TIAM1: variants seen among roughly 807,000 people sequenced by gnomAD.
TIAM1 encodes TIAM Rac1 associated GEF 1, also known as rho guanine nucleotide exchange factor TIAM1.
Under a neutral mutation model 163.5 loss-of-function variants are expected in TIAM1, and 65 were observed. The ratio of observed to expected loss-of-function variants is 0.40; its 90% confidence interval spans 0.33 to 0.49. TIAM1 has a LOEUF of 0.49. Ranked by LOEUF, TIAM1 falls within the 20% of genes least tolerant of loss-of-function variation. The pLI is 0.77. For missense variants in TIAM1, 1,789 were observed against 2,044.7 expected, an observed-to-expected ratio of 0.87 and a Z score of 2.41; for synonymous variants, 833 against 810.1, an observed-to-expected ratio of 1.03 and a Z score of -0.48.
intron 2 of TIAM1, among the ~76,000 whole-genome samples, chr21:31,349,342 A>G (rs1200982709): frequency 6.6e-6 from 1 of 152,206 alleles, no homozygotes; most frequent in Non-Finnish European, 1.5e-5. Context: ...GATAAAGATA[A>G]CAAAGAAGGC....
At position 31,386,371 on chromosome 21, in the gene TIAM1, G is replaced by C. The variant is rs35800125; in HGVS notation, c.-368-46949C>G. 7.9e-3 allele frequency among the ~76,000 whole-genome samples: 1,199 copies of C among 152,236 alleles called. 10 individuals are homozygous for C. Among genetic ancestry groups the C allele is most frequent in the Non-Finnish European group, 9.6e-3 (653 of 68,016 alleles). ...TTCTGGGGGTCCCCTGGCATGCCCA[G>C]AGCTTCTGAGGATGCACTTGGGAAA... On this transcript the variant is annotated intron_variant, in intron 2 of 28. Transcript: ENST00000286827.
Position 31,302,707 on chromosome 21 carries a change from G to A in TIAM1, c.-188-25799C>T, listed in dbSNP as rs182023724. 3.3e-5 allele frequency among the ~76,000 whole-genome samples: 5 copies of A among 152,292 alleles called. No individual in the cohort carries two copies. In the East Asian group the frequency reaches 7.7e-4, roughly 24 times the overall value. On this transcript the variant is annotated intron_variant, in intron 2 of 27. Transcript: ENST00000541036. The stretch of plus-strand genomic sequence containing the variant: ...TCTTTTCAAGGAGACTACACTGCTT[G>A]CACTGCTTTCTGTAGAAAAAGATGA...
intron 2 of TIAM1, among the ~76,000 whole-genome samples, chr21:31,421,667 G>C (rs925692565): frequency 3.3e-5 from 5 of 152,180 alleles, no homozygotes; most frequent in Non-Finnish European, 1.5e-5. Flanking sequence ...GTGATAAAAA[G>C]CTTGGGGAAC....
intron 6 of TIAM1, among the ~76,000 whole-genome samples, chr21:31,231,360 T>C (rs931905219): frequency 1.3e-5 from 2 of 152,142 alleles, no homozygotes; most frequent in African/African-American, 4.8e-5. Context: ...ACGGAGTCTG[T>C]GTAGTGCACT....
intron 13 of TIAM1, among the ~76,000 whole-genome samples, chr21:31,187,451 T>G (rs984900012): frequency 1.3e-5 from 2 of 152,200 alleles, no homozygotes; most frequent in African/African-American, 4.8e-5. Context: ...CAGACGTTTT[T>G]CATCAAATCT....
At chr21:31,297,781 T>A (rs563528584) in intron 2 of TIAM1, among the ~76,000 whole-genome samples, 35 of 152,122 alleles carry the variant, frequency 2.3e-4, no homozygotes, top group Non-Finnish European at 4.7e-4. Context: ...CCCAAAAATA[T>A]GATATAATGC....
At chr21:31,132,595 G>A (rs2082455113) in intron 23 of TIAM1, among the ~76,000 whole-genome samples, 1 of 152,102 alleles carries the variant, frequency 6.6e-6, no homozygotes, top group South Asian at 2.1e-4. Flanking sequence ...CATGCCACTG[G>A]GACCACAGCT....
At chr21:31,406,035 A>C (rs1315757833) in intron 2 of TIAM1, among the ~76,000 whole-genome samples, 1 of 152,154 alleles carries the variant, frequency 6.6e-6, no homozygotes, top group Non-Finnish European at 1.5e-5. Context: ...ACTCAAAGAG[A>C]TTGCCGTCAT....
intron 1 of TIAM1, among the ~76,000 whole-genome samples, chr21:31,468,199 C>A (rs139730885): frequency 6.6e-6 from 1 of 151,882 alleles, no homozygotes; most frequent in East Asian, 1.9e-4. Flanking sequence ...GGGTTGGTCA[C>A]ACACAGTGGC....
chr21:31,412,009 A>G (rs534403394), intron 2 of TIAM1, among the ~76,000 whole-genome samples: 1 of 152,338 alleles, frequency 6.6e-6, no homozygotes, highest in East Asian at 1.9e-4. Flanking sequence ...CAGGATTCAC[A>G]GTAGCAACGA....
chr21:31,131,385 T>C (rs2082408335), intron 23 of TIAM1, among the ~76,000 whole-genome samples: 1 of 152,240 alleles, frequency 6.6e-6, no homozygotes, highest in Non-Finnish European at 1.5e-5. Context: ...TAGACAGTGA[T>C]AATTTAGGAA....
intron 2 of TIAM1, among the ~76,000 whole-genome samples, chr21:31,299,500 G>A (rs1383577780): frequency 6.6e-6 from 1 of 152,218 alleles, no homozygotes; most frequent in Non-Finnish European, 1.5e-5. Context: ...GTTTGAACTT[G>A]ACACAATGGG....
At chr21:31,391,267 C>T (rs1310078965) in intron 2 of TIAM1, among the ~76,000 whole-genome samples, 1 of 152,140 alleles carries the variant, frequency 6.6e-6, no homozygotes, top group Non-Finnish European at 1.5e-5. Context: ...CCCTACCTTA[C>T]GTTCCCACAT....
chr21:31,520,103 C>A (rs184183709), intron 1 of TIAM1, among the ~76,000 whole-genome samples: 10 of 152,168 alleles, frequency 6.6e-5, no homozygotes, highest in African/African-American at 2.4e-4. Flanking sequence ...GGCTGAGGCA[C>A]GCGGAGCACC....
At chr21:31,170,616 G>C (rs1218637188) in intron 15 of TIAM1, among the ~76,000 whole-genome samples, 4 of 152,128 alleles carry the variant, frequency 2.6e-5, no homozygotes, top group African/African-American at 9.7e-5. Context: ...TGCACAACAG[G>C]CTAACAGAAC....
Position 31,120,536 on chromosome 21 carries a change from C to T in TIAM1, c.4608G>A (p.Arg1536=). Residue 1536 remains arginine (R), a synonymous_variant, in exon 28 of 28, where the codon CGG becomes CGA. Transcript: ENST00000541036. The surrounding 1 kb of genome is among the most constrained non-coding windows in gnomAD (Gnocchi z 4.2). ...TATCCAGGGTTTTCCGGCCTCTTTC[C>T]CGCTGACTGATGGAGGTGGCCTGAA... is the stretch of plus-strand genomic sequence containing the variant. ...ERLQATSISQ[R]ERGRKTLDSH... 1 of 1,614,232 alleles carries T rather than the reference C, an allele frequency of 6.2e-7. No individual in the cohort carries two copies. The highest frequency in any genetic ancestry group is 8.5e-7 in the Non-Finnish European group (1 of 1,180,056).
intron 1 of TIAM1, among the ~76,000 whole-genome samples, chr21:31,537,279 G>T (rs1374816756): frequency 6.6e-6 from 1 of 152,184 alleles, no homozygotes; most frequent in African/African-American, 2.4e-5. Flanking sequence ...CACCCGCATA[G>T]GGCTGAACAT....
intron 2 of TIAM1, among the ~76,000 whole-genome samples, chr21:31,396,371 G>C (rs999889758): frequency 5.9e-5 from 9 of 151,814 alleles, no homozygotes; most frequent in Non-Finnish European, 1.3e-4. Flanking sequence ...GATTTCCACG[G>C]GGTCTCTCCC....
At chr21:31,492,143 T>G (rs2046490451) in intron 1 of TIAM1, among the ~76,000 whole-genome samples, 1 of 152,010 alleles carries the variant, frequency 6.6e-6, no homozygotes. Context: ...GAGAGGAAAA[T>G]GAATCTCAAG....
Sources: gnomAD v4.1 joint callset for allele counts (sites outside exome capture counted in the v4.1 genomes callset) on GRCh38, gnomAD v4.1.1 for gene constraint, Gnocchi (gnomAD v3.1) non-coding constraint, MANE v1.5 for transcripts, NCBI Gene and HGNC (gene_info 2026-07-23, HGNC 2026-07-21) for gene names.